CHIC1: variants seen among roughly 807,000 people sequenced by gnomAD.
CHIC1 encodes the protein cysteine rich hydrophobic domain 1.
Under a neutral mutation model 18.5 loss-of-function variants are expected in CHIC1, and 7 were observed. The observed-to-expected ratio is 0.38, with a 90% CI of 0.22 to 0.71. The LOEUF is 0.71. Ranked by LOEUF, CHIC1 falls within the 30% of genes least tolerant of loss-of-function variation. CHIC1 has a pLI of 0.49. For missense variants in CHIC1, 159 were observed against 176.9 expected (o/e 0.90, Z 0.57); for synonymous variants, 77 against 73.5 (o/e 1.05, Z -0.25).
chrX:73,577,694 T>C (rs1175174957), intron 2 of CHIC1, among the ~76,000 whole-genome samples: 1 of 110,654 alleles, frequency 9.0e-6, no homozygotes, highest in African/African-American at 3.3e-5. Flanking sequence ...TCCGTTCAGC[T>C]TTTTCACTTT....
At chrX:73,672,898 G>A (rs1284733284) in intron 3 of CHIC1, among the ~76,000 whole-genome samples, 6 of 111,708 alleles carry the variant, frequency 5.4e-5, no homozygotes, top group African/African-American at 2.0e-4. Context: ...TATGGTTTTA[G>A]GTCTAACATG....
chrX:73,662,091 AAAG>A (rs2057983700), intron 3 of CHIC1, among the ~76,000 whole-genome samples: 1 of 110,332 alleles, frequency 9.1e-6, no homozygotes, highest in South Asian at 3.8e-4. Context: ...TAATAAAAAA[AAAG>A]AAGTATGAGA....
At position 73,604,580 on chromosome X, in the gene CHIC1, C is replaced by A. The variant is rs182808405; in HGVS notation, c.507+20008C>A. Among the ~76,000 whole-genome samples the A allele has an allele frequency of 6.3e-4, 68 of 108,232 alleles. 1 individual carries two copies. Among genetic ancestry groups the A allele is most frequent in the Admixed American group, 2.1e-3 (22 of 10,240 alleles). The allele number at this position is 108,232 out of a possible 115,157, so 94.0% of individuals were successfully genotyped here. On this transcript the variant is annotated intron_variant, in intron 3 of 5. Transcript: ENST00000373502. The stretch of plus-strand genomic sequence containing the variant: ...TTTGTTTGCTCTTGTTTCTGTAGTT[C>A]TTTTAATTGTGATTTTAGGGTATGA...
At chrX:73,653,807 T>C (rs757783497) in intron 3 of CHIC1, among the ~76,000 whole-genome samples, 2 of 112,189 alleles carry the variant, frequency 1.8e-5, no homozygotes, top group African/African-American at 3.2e-5. Context: ...TCCTAAAAAA[T>C]TTTTTGTATC....
chrX:73,578,067 A>G (rs191997041), intron 2 of CHIC1, among the ~76,000 whole-genome samples: 19 of 110,246 alleles, frequency 1.7e-4, no homozygotes, highest in Admixed American at 1.6e-3. Context: ...ATTGTATTAT[A>G]TACTGGAAAT....
chrX:73,655,515 C>T (rs2790963), intron 3 of CHIC1, among the ~76,000 whole-genome samples: 2,703 of 15,550 alleles, frequency 0.17, 142 homozygotes, highest in Admixed American at 0.26. Flanking sequence ...TACATATATA[C>T]ACAATATTGT....
chrX:73,660,956 TA>T (rs1337600311), intron 3 of CHIC1, among the ~76,000 whole-genome samples: 1 of 112,069 alleles, frequency 8.9e-6, no homozygotes, highest in Non-Finnish European at 1.9e-5. Context: ...CAAGGGTAAA[TA>T]AGGCTTGTGC....
chrX:73,639,590 G>C (rs937115483), intron 3 of CHIC1, among the ~76,000 whole-genome samples: 14 of 111,420 alleles, frequency 1.3e-4, no homozygotes, highest in African/African-American at 4.2e-4. Context: ...ATCTTTTCCA[G>C]TTCCTACGTC....
At chrX:73,590,068 T>C (rs891339630) in intron 3 of CHIC1, among the ~76,000 whole-genome samples, 8 of 111,075 alleles carry the variant, frequency 7.2e-5, no homozygotes, top group Non-Finnish European at 1.5e-4. Flanking sequence ...ACAGTTTAAT[T>C]ATACTTTATC....
intron 3 of CHIC1, among the ~76,000 whole-genome samples, chrX:73,606,405 A>T (rs2057683972): frequency 9.4e-6 from 1 of 106,871 alleles, no homozygotes; most frequent in African/African-American, 3.7e-5. Context: ...CAAGGCTCTT[A>T]GCTTCATTGA....
At chrX:73,659,308 G>T (rs1286926777) in intron 3 of CHIC1, among the ~76,000 whole-genome samples, 1 of 107,111 alleles carries the variant, frequency 9.3e-6, no homozygotes, top group Admixed American at 1.0e-4. Flanking sequence ...TTCCAAGAAG[G>T]TTTGTGTTTT....
chrX:73,600,999 A>G (rs1440358415), intron 3 of CHIC1, among the ~76,000 whole-genome samples: 1 of 108,258 alleles, frequency 9.2e-6, no homozygotes, highest in African/African-American at 3.6e-5. Context: ...CAATTCAACA[A>G]CAAGAGCTAA....
chrX:73,653,419 ATGTGTC>A (rs1048642896), intron 3 of CHIC1, among the ~76,000 whole-genome samples: 2 of 111,966 alleles, frequency 1.8e-5, no homozygotes, highest in Non-Finnish European at 3.8e-5. Flanking sequence ...GTCCTGGTGT[ATGTGTC>A]TGTTTTTTAT....
intron 1 of CHIC1, among the ~76,000 whole-genome samples, chrX:73,569,937 A>G (rs1017343748): frequency 9.0e-6 from 1 of 111,483 alleles, no homozygotes; most frequent in African/African-American, 3.2e-5. Context: ...TACCATTTCT[A>G]ATATACTTTT....
chrX:73,673,770 A>G (rs1359956901), intron 3 of CHIC1, among the ~76,000 whole-genome samples: 2 of 111,776 alleles, frequency 1.8e-5, no homozygotes, highest in African/African-American at 6.5e-5. Flanking sequence ...CCCTGGCCAG[A>G]ACTTCCAACA....
At chrX:73,601,296 C>G (rs1484427402) in intron 3 of CHIC1, among the ~76,000 whole-genome samples, 1 of 104,942 alleles carries the variant, frequency 9.5e-6, no homozygotes, top group Non-Finnish European at 1.9e-5. Context: ...CCAAAATTGA[C>G]CACATACTTG....
chrX:73,606,343 A>T (rs146591587), intron 3 of CHIC1, among the ~76,000 whole-genome samples: 1 of 105,498 alleles, frequency 9.5e-6, no homozygotes, highest in Admixed American at 1.0e-4. Context: ...CAGCCCATTC[A>T]TCTTCTTCTC....
At chrX:73,589,517 G>A (rs56969997) in intron 3 of CHIC1, among the ~76,000 whole-genome samples, 23,723 of 109,875 alleles carry the variant, frequency 0.22, 2,441 homozygotes, top group African/African-American at 0.39. Context: ...CTACTGCTAT[G>A]TATATCTATA....
chrX:73,626,694 C>G (rs969103939), intron 3 of CHIC1, among the ~76,000 whole-genome samples: 1 of 110,930 alleles, frequency 9.0e-6, no homozygotes, highest in African/African-American at 3.3e-5. Context: ...ATTCTGAATT[C>G]TTTCTCTTTG....
Sources: gnomAD v4.1 joint callset for allele counts (sites outside exome capture counted in the v4.1 genomes callset) on GRCh38, gnomAD v4.1.1 for gene constraint, MANE v1.5 for transcripts, NCBI Gene and HGNC (gene_info 2026-07-23, HGNC 2026-07-21) for gene names.